The following CYP2B6 variants were observed in gnomAD, a reference collection of about 807,000 sequenced individuals.
CYP2B6 encodes the protein cytochrome P450 2B6.
A neutral mutation model predicts 43.4 loss-of-function variants in CYP2B6; 35 were observed. The ratio of observed to expected loss-of-function variants is 0.81; its 90% CI spans 0.62 to 1.07. The LOEUF (loss-of-function observed/expected upper bound fraction) is 1.07. Among genes scored for constraint, CYP2B6 ranks in the 50% least tolerant of loss-of-function variants. The pLI is 0.00. For missense variants in CYP2B6, 624 were observed against 632.8 expected, an observed-to-expected ratio of 0.99 and a Z score of 0.15; for synonymous variants, 239 against 239.2, an observed-to-expected ratio of 1.00 and a Z score of 0.01.
chr19:40,998,207 C>G (rs1268011703), intron 1 of CYP2B6, among the ~76,000 whole-genome samples: 2 of 152,086 alleles, frequency 1.3e-5, no homozygotes, highest in African/African-American at 4.8e-5. Context: ...AACCTTCTCT[C>G]TAAGGGTTTT....
At chr19:40,996,695 A>G (rs1969004438) in intron 1 of CYP2B6, among the ~76,000 whole-genome samples, 1 of 152,144 alleles carries the variant, frequency 6.6e-6, no homozygotes, top group Non-Finnish European at 1.5e-5. Context: ...GTCATGGAAT[A>G]CGGAGCTTTT....
At chr19:40,993,129 A>G (rs2144656076) in intron 1 of CYP2B6, among the ~76,000 whole-genome samples, 1 of 152,280 alleles carries the variant, frequency 6.6e-6, no homozygotes, top group East Asian at 1.9e-4. Context: ...TAAGGACCAG[A>G]GCTTGCTATA....
At position 41,018,146 on chromosome 19, in the gene CYP2B6, T is replaced by C. The variant is rs1050666706; in HGVS notation, c.*1319T>C. On this transcript the variant is annotated 3_prime_UTR_variant, in exon 9 of 9. Coordinates refer to ENST00000324071, the MANE Select transcript of CYP2B6 (RefSeq NM_000767.5). ...GGCATAATATGTGATCTTTTGTGTCTGGTTGCTTTCATGTTGAATGCTATT... is the reference window on the plus strand; with the variant it reads ...GGCATAATATGTGATCTTTTGTGTCCGGTTGCTTTCATGTTGAATGCTATT... 2 of 152,268 alleles carry C rather than the reference T, an allele frequency of 1.3e-5. No individual in the cohort carries two copies. The highest frequency in any genetic ancestry group is 2.9e-5 in the Non-Finnish European group (2 of 68,078). 9.4% of individuals were successfully genotyped at this position (152,268 alleles called of 1,614,324 possible).
chr19:41,012,841 C>T (rs1969307065), intron 8 of CYP2B6, 26 bp downstream of exon 8: 3 of 1,613,566 alleles, frequency 1.9e-6, no homozygotes, highest in East Asian at 2.2e-5. Context: ...AATTTCTTTC[C>T]CAGACACCAG....
chr19:41,003,997 G>T lies in CYP2B6; in HGVS notation c.172-4G>T, dbSNP rs780783130. On this transcript the variant is annotated splice_polypyrimidine_tract_variant and splice_region_variant and intron_variant, in intron 1 of 8. Transcript: ENST00000324071. Reference sequence around the variant, plus strand: ...GCCACCCCTGGTGTGGATGTGATTGGCAGTTCCGAGAGAAATATGGGGACG... The same window carrying T: ...GCCACCCCTGGTGTGGATGTGATTGTCAGTTCCGAGAGAAATATGGGGACG... 6.2e-6 allele frequency: 10 copies of T among 1,613,098 alleles called. No homozygotes were observed. The East Asian group carries it at 2.0e-4, about 32-fold the overall frequency.
At chr19:41,007,117 A>C in intron 4 of CYP2B6, 52 bp downstream of exon 4, 2 of 1,560,074 alleles carry the variant, frequency 1.3e-6, no homozygotes, top group South Asian at 2.2e-5. Flanking sequence ...GAACACCCAG[A>C]ACACACGAGA....
At chr19:41,001,504 G>C (rs1433883119) in intron 1 of CYP2B6, among the ~76,000 whole-genome samples, 2 of 152,048 alleles carry the variant, frequency 1.3e-5, no homozygotes, top group African/African-American at 2.4e-5. Flanking sequence ...ATGTGGGCTC[G>C]TGTCTCAGAT....
Position 40,991,555 on chromosome 19 carries a change from A to G in CYP2B6, c.171+79A>G, listed in dbSNP as rs530785815. ...TGGGGAAGCTTCACCAAACAGAATG[A>G]GGCAGACTTCCAGAGTCAGGGGTGG... is the stretch of plus-strand genomic sequence containing the variant. On this transcript the variant is annotated intron_variant, in intron 1 of 8. Coordinates refer to ENST00000324071, the MANE Select transcript of CYP2B6 (RefSeq NM_000767.5). 2.0e-6 allele frequency: 3 copies of G among 1,529,010 alleles called. No individual in the cohort carries two copies. The South Asian group carries it at 3.4e-5, about 17-fold the overall frequency. 94.7% of individuals were successfully genotyped at this position (1,529,010 alleles called of 1,614,324 possible).
At chr19:41,010,405 T>G (rs553637607) in intron 6 of CYP2B6, among the ~76,000 whole-genome samples, 2 of 148,380 alleles carry the variant, frequency 1.3e-5, no homozygotes, top group African/African-American at 2.6e-5. Context: ...TTTTTTGTTT[T>G]TTGGTTTTTT....
chr19:40,991,541 C>A lies in CYP2B6; in HGVS notation c.171+65C>A. On this transcript the variant is annotated intron_variant, in intron 1 of 8. Transcript: ENST00000324071. Reference sequence around the variant, plus strand: ...CTTGCCTTGGTACTTGGGGAAGCTTCACCAAACAGAATGAGGCAGACTTCC... The same window carrying A: ...CTTGCCTTGGTACTTGGGGAAGCTTAACCAAACAGAATGAGGCAGACTTCC... The A allele has an allele frequency of 1.9e-6, 3 of 1,578,218 alleles. No individual in the cohort carries two copies. The South Asian group carries it at 3.3e-5, about 18-fold the overall frequency.
chr19:40,993,946 G>T (rs1010830427), intron 1 of CYP2B6, among the ~76,000 whole-genome samples: 1 of 152,062 alleles, frequency 6.6e-6, no homozygotes, highest in Non-Finnish European at 1.5e-5. Context: ...TGCCACAAAT[G>T]TTCTCATCTC....
At chr19:40,993,229 G>A (rs1226597998) in intron 1 of CYP2B6, among the ~76,000 whole-genome samples, 2 of 152,100 alleles carry the variant, frequency 1.3e-5, no homozygotes, top group Non-Finnish European at 2.9e-5. Flanking sequence ...ATTAAGAGTA[G>A]AAAAGTTTGG....
rs1969146260 is a variant in CYP2B6 at position 41,004,449 on chromosome 19, G to A, written c.484+3G>A. 6.2e-7 allele frequency: 1 copy of A among 1,613,620 alleles called. No homozygotes were observed. Among genetic ancestry groups the A allele is most frequent in the Non-Finnish European group, 8.5e-7 (1 of 1,179,874 alleles). ...AGAGGAGCTTCGGAAATCCAAGGGT[G>A]AGTCCTGGGGGATGAATAGGAAAGA... On this transcript the variant is annotated splice_donor_region_variant and intron_variant, in intron 3 of 8. Coordinates refer to ENST00000324071, the MANE Select transcript of CYP2B6 (RefSeq NM_000767.5).
intron 1 of CYP2B6, among the ~76,000 whole-genome samples, chr19:40,996,724 A>G (rs1408405297): frequency 6.6e-6 from 1 of 152,168 alleles, no homozygotes; most frequent in Admixed American, 6.5e-5. Context: ...AAATTTTAAG[A>G]ACTCAGGAAG....
chr19:41,011,438 C>T (rs1212104765), intron 6 of CYP2B6, among the ~76,000 whole-genome samples: 2 of 152,160 alleles, frequency 1.3e-5, no homozygotes, highest in African/African-American at 4.8e-5. Flanking sequence ...ATTAATCAAT[C>T]CATCTATTAA....
chr19:40,993,761 G>A (rs1968958194), intron 1 of CYP2B6, among the ~76,000 whole-genome samples: 1 of 152,046 alleles, frequency 6.6e-6, no homozygotes, highest in Non-Finnish European at 1.5e-5. Context: ...GTGTATTTGT[G>A]GCAGTGTCTA....
intron 3 of CYP2B6, among the ~76,000 whole-genome samples, chr19:41,006,173 A>G (rs1180100016): frequency 6.6e-6 from 1 of 152,060 alleles, no homozygotes; most frequent in Non-Finnish European, 1.5e-5. Context: ...TTTAAATTAG[A>G]GACGGGGTCT....
chr19:40,996,696 C>T (rs1340031883), intron 1 of CYP2B6, among the ~76,000 whole-genome samples: 4 of 152,030 alleles, frequency 2.6e-5, no homozygotes, highest in African/African-American at 4.8e-5. Context: ...TCATGGAATA[C>T]GGAGCTTTTA....
chr19:40,994,653 T>G (rs1315187231), intron 1 of CYP2B6, among the ~76,000 whole-genome samples: 1 of 152,044 alleles, frequency 6.6e-6, no homozygotes, highest in Non-Finnish European at 1.5e-5. Context: ...CCAGTAACAT[T>G]ACACACGCAA....
Sources: gnomAD v4.1 joint callset for allele counts (sites outside exome capture counted in the v4.1 genomes callset) on GRCh38, gnomAD v4.1.1 for gene constraint, MANE v1.5 for transcripts, NCBI Gene and HGNC (gene_info 2026-07-23, HGNC 2026-07-21) for gene names.